Variants in NEBL observed in about 807,000 individuals in gnomAD.
NEBL encodes nebulette.
Under a neutral mutation model 140.2 loss-of-function variants are expected in NEBL, and 122 were observed. That is an observed-to-expected ratio of 0.87 (90% CI 0.75 to 1.01). NEBL has a LOEUF of 1.01. Ranked by LOEUF, NEBL falls within the 50% of genes least tolerant of loss-of-function variation. The pLI is 0.00. For missense variants in NEBL, 1,365 were observed against 1,231.3 expected (o/e 1.11, Z -1.62); for synonymous variants, 436 against 398.9 (o/e 1.09, Z -1.11).
intron 24 of NEBL, among the ~76,000 whole-genome samples, chr10:20,812,562 G>A (rs1260680076): frequency 6.7e-6 from 1 of 148,544 alleles, no homozygotes; most frequent in Middle Eastern, 3.6e-3. Context: ...TCCAATAATA[G>A]AAAAGACTTG....
chr10:20,894,196 C>T (rs951799457), intron 2 of NEBL, among the ~76,000 whole-genome samples: 2 of 152,148 alleles, frequency 1.3e-5, no homozygotes, highest in African/African-American at 2.4e-5. Flanking sequence ...CAGGGCCAGC[C>T]CGGTGGCTCA....
At chr10:21,092,647 G>C (rs1480897783) in intron 2 of NEBL, among the ~76,000 whole-genome samples, 1 of 150,590 alleles carries the variant, frequency 6.6e-6, no homozygotes, top group East Asian at 1.9e-4. Flanking sequence ...CACCAGAGTA[G>C]CACCTGCCAG....
At chr10:20,947,613 T>C (rs1263529092) in intron 4 of NEBL, among the ~76,000 whole-genome samples, 1 of 152,002 alleles carries the variant, frequency 6.6e-6, no homozygotes, top group East Asian at 1.9e-4. Flanking sequence ...AGCTTCATAG[T>C]TGTTTATTAT....
At chr10:20,878,439 T>C (rs1845713950) in intron 5 of NEBL, among the ~76,000 whole-genome samples, 1 of 152,244 alleles carries the variant, frequency 6.6e-6, no homozygotes, top group Non-Finnish European at 1.5e-5. Flanking sequence ...GTAATTCCAC[T>C]AGTAAATTCT....
At chr10:21,238,717 A>T (rs1447880821) in intron 3 of NEBL, among the ~76,000 whole-genome samples, 9 of 12,004 alleles carry the variant, frequency 7.5e-4, no homozygotes, top group African/African-American at 1.7e-3. Context: ...CAAAAAAATT[A>T]AAAAAAAAAA....
intron 18 of NEBL, among the ~76,000 whole-genome samples, chr10:20,824,487 C>T (rs1839648078): frequency 6.6e-6 from 1 of 152,098 alleles, no homozygotes; most frequent in African/African-American, 2.4e-5. Flanking sequence ...AAAAATAGTT[C>T]TTAAGACAGA....
At chr10:21,233,740 G>T (rs1564547041) in intron 3 of NEBL, among the ~76,000 whole-genome samples, 1 of 130,648 alleles carries the variant, frequency 7.7e-6, no homozygotes, top group East Asian at 2.2e-4. Flanking sequence ...TACATATATA[G>T]ATATATATTA....
chr10:21,208,967 G>A (rs905892923), intron 3 of NEBL, among the ~76,000 whole-genome samples: 7 of 152,096 alleles, frequency 4.6e-5, no homozygotes, highest in South Asian at 2.1e-4. Context: ...ATGGTGACTC[G>A]GCCAAATAAG....
At chr10:21,208,008 T>C (rs1841856588) in intron 3 of NEBL, among the ~76,000 whole-genome samples, 2 of 152,062 alleles carry the variant, frequency 1.3e-5, no homozygotes, top group Admixed American at 1.3e-4. Flanking sequence ...ACAAACCAAC[T>C]ACACTGAGAC....
At chr10:20,786,798 G>C (rs536494860) in intron 27 of NEBL, among the ~76,000 whole-genome samples, 2 of 152,154 alleles carry the variant, frequency 1.3e-5, no homozygotes, top group African/African-American at 4.8e-5. Flanking sequence ...TTTCCAATGG[G>C]GGATTTGAAG....
chr10:21,086,712 G>A (rs1277375105), intron 2 of NEBL, among the ~76,000 whole-genome samples: 1 of 152,170 alleles, frequency 6.6e-6, no homozygotes, highest in Non-Finnish European at 1.5e-5. Flanking sequence ...GGGAGGTGGA[G>A]GTTGCAGTGA....
chr10:20,800,165 A>G (rs535336853), intron 26 of NEBL, among the ~76,000 whole-genome samples: 103 of 107,200 alleles, frequency 9.6e-4, no homozygotes, highest in African/African-American at 3.8e-3. Flanking sequence ...TTTATTTTCT[A>G]TCTCTGTAAA....
chr10:20,803,814 T>A (rs61711648), intron 26 of NEBL, among the ~76,000 whole-genome samples: 60,314 of 135,416 alleles, frequency 0.45, 13,508 homozygotes, highest in African/African-American at 0.63. Context: ...GTACGAAAAA[T>A]ATATATATAT....
rs79811169 is a variant in NEBL at position 21,186,404 on chromosome 10, G to A, written n.349-13927C>T. Among the ~76,000 whole-genome samples the A allele has an allele frequency of 4.2e-3, 643 of 152,030 alleles. 1 individual carries two copies. The highest frequency in any genetic ancestry group is 5.8e-3 in the Non-Finnish European group (397 of 67,986). ...GGGACTAGGTCATGAGGGTGTATACGTGTGTATACAGTTGCCTTTGGTATC... is the reference window on the plus strand; with the variant it reads ...GGGACTAGGTCATGAGGGTGTATACATGTGTATACAGTTGCCTTTGGTATC... On this transcript the variant is annotated intron_variant and non_coding_transcript_variant, in intron 3 of 8. Coordinates refer to the NEBL transcript ENST00000675702.
At chr10:21,221,707 G>T (rs764986283) in intron 3 of NEBL, among the ~76,000 whole-genome samples, 1 of 152,056 alleles carries the variant, frequency 6.6e-6, no homozygotes, top group Non-Finnish European at 1.5e-5. Flanking sequence ...GTTTCACCAC[G>T]TTGGCCAGGC....
At chr10:21,169,067 A>AAAAAAAAAATATAT (rs1554830679) in intron 2 of NEBL, among the ~76,000 whole-genome samples, 3 of 23,070 alleles carry the variant, frequency 1.3e-4, no homozygotes, top group Non-Finnish European at 1.7e-4. Context: ...AAAAAAAAAA[A>AAAAAAAAAATATAT]ATATATATAT....
In NEBL at chr10:20,933,601, G is replaced by A. The variant is rs193201490; in HGVS notation, c.357+28071C>T. 5.0e-3 allele frequency among the ~76,000 whole-genome samples: 765 copies of A among 152,318 alleles called. 5 individuals are homozygous for A. Among genetic ancestry groups the A allele is most frequent in the Non-Finnish European group, 7.7e-3 (521 of 68,026 alleles). The stretch of plus-strand genomic sequence containing the variant: ...ATACAAAAATTAGCCGGGTGTGGTG[G>A]CACGTGCCTGTAATCCCAGCTACCT... On this transcript the variant is annotated intron_variant, in intron 4 of 6. Transcript: ENST00000417816.
chr10:21,208,493 TCTCC>T (rs1342749715), intron 3 of NEBL, among the ~76,000 whole-genome samples: 1 of 152,160 alleles, frequency 6.6e-6, no homozygotes. Flanking sequence ...TTTTTGTTTC[TCTCC>T]CTCCCTCCTT....
At chr10:21,203,709 A>C (rs994068070) in intron 3 of NEBL, among the ~76,000 whole-genome samples, 2 of 152,206 alleles carry the variant, frequency 1.3e-5, no homozygotes, top group African/African-American at 4.8e-5. Context: ...AAATACACAG[A>C]TGGCCCCTCG....
Sources: allele counts gnomAD v4.1 joint callset (sites outside exome capture counted in the v4.1 genomes callset), GRCh38; gene constraint gnomAD v4.1.1; transcripts MANE v1.5; gene names NCBI Gene and HGNC (gene_info 2026-07-23, HGNC 2026-07-21).